Variants in SCML4 observed in about 807,000 individuals in gnomAD.
The protein encoded by SCML4 is Scm polycomb group protein like 4.
SCML4 carries 34 observed loss-of-function variants against 41.1 expected under a neutral mutation model. That is an observed-to-expected ratio of 0.83 (90% confidence interval 0.63 to 1.10). The LOEUF (loss-of-function observed/expected upper bound fraction) is 1.10, where lower values mean the gene tolerates loss of function less well. Ranked by LOEUF, SCML4 falls within the 50% of genes least tolerant of loss-of-function variation. The pLI is 0.00. For synonymous variants in SCML4, 214 were observed against 220.9 expected (o/e 0.97, Z 0.28); for missense variants, 522 against 534.1 (o/e 0.98, Z 0.22).
intron 2 of SCML4, among the ~76,000 whole-genome samples, chr6:107,769,763 T>C (rs905833514): frequency 6.6e-5 from 10 of 152,206 alleles, no homozygotes; most frequent in Non-Finnish European, 1.3e-4. Context: ...CTACAAAAGT[T>C]ATTATTCTCC....
intron 6 of SCML4, among the ~76,000 whole-genome samples, chr6:107,717,212 C>G (rs1774923551): frequency 7.5e-6 from 1 of 133,290 alleles, no homozygotes; most frequent in Admixed American, 8.0e-5. Context: ...CCCAGCTACT[C>G]AGGAGGCTGA....
chr6:107,813,464 G>A lies in SCML4; in HGVS notation c.-60+10662C>T, dbSNP rs867146184. On this transcript the variant is annotated intron_variant, in intron 1 of 7. Coordinates refer to ENST00000369020, the MANE Select transcript of SCML4 (RefSeq NM_198081.5). The stretch of plus-strand genomic sequence containing the variant: ...AATACATATTAAAATAACAGTGTCC[G>A]CTGAAAACACGCTTCAGATGGTGTG... 7.1e-5 allele frequency among the ~76,000 whole-genome samples: 10 copies of A among 140,260 alleles called. No individual in the cohort carries two copies. The South Asian group carries it at 9.2e-4, about 13-fold the overall frequency. The allele number at this position is 140,260 out of a possible 152,430, so 92.0% of individuals were successfully genotyped here.
chr6:107,792,723 T>C (rs1263186242), intron 1 of SCML4, among the ~76,000 whole-genome samples: 1 of 146,938 alleles, frequency 6.8e-6, no homozygotes, highest in Non-Finnish European at 1.5e-5. Flanking sequence ...AGGGAGAGAC[T>C]CTGTCTCAAA....
chr6:107,813,136 G>A (rs1784283540), intron 1 of SCML4, among the ~76,000 whole-genome samples: 1 of 151,608 alleles, frequency 6.6e-6, no homozygotes, highest in Admixed American at 6.6e-5. Context: ...GTGGAGGCAG[G>A]AGGATGGCTT....
chr6:107,740,826 C>A (rs921672959), intron 5 of SCML4, among the ~76,000 whole-genome samples: 2 of 152,180 alleles, frequency 1.3e-5, no homozygotes, highest in African/African-American at 2.4e-5. Context: ...CTTTAAACAT[C>A]GGCTAGAAGC....
the SCML4 span, among the ~76,000 whole-genome samples, chr6:107,831,369 T>A: frequency 1.1e-3 from 154 of 137,680 alleles, 1 homozygote; most frequent in African/African-American, 3.8e-3. Flanking sequence ...AGAACAAAAC[T>A]TGAATCTGAA....
Position 107,778,211 on chromosome 6 carries a change from AAAAAAAAAAAAATATATATATATATATAT to A in SCML4, c.-59-5854_-59-5826del, listed in dbSNP as rs1425927650. Among the ~76,000 whole-genome samples, 9 of 20,054 alleles carry A rather than the reference AAAAAAAAAAAAATATATATATATATATAT, an allele frequency of 4.5e-4. 2 individuals are homozygous for A. The highest frequency in any genetic ancestry group is 6.3e-4 in the African/African-American group (5 of 7,940). The allele number at this position is 20,054 out of a possible 152,430, so 13.2% of individuals were successfully genotyped here. ...GACTCTATCTCAAAAAAAAAAAAAA[AAAAAAAAAAAAATATATATATATATATAT>A]ATATATATATATATATATATATATA... is the stretch of plus-strand genomic sequence containing the variant. On this transcript the variant is annotated intron_variant, in intron 1 of 7. Transcript: ENST00000369020.
chr6:107,744,460 A>G (rs1777877481), intron 5 of SCML4, among the ~76,000 whole-genome samples: 1 of 152,230 alleles, frequency 6.6e-6, no homozygotes, highest in Non-Finnish European at 1.5e-5. Flanking sequence ...AATCCCTGCA[A>G]TAATAGACAC....
chr6:107,796,712 C>T (rs1326473972), intron 1 of SCML4, among the ~76,000 whole-genome samples: 1 of 152,124 alleles, frequency 6.6e-6, no homozygotes, highest in Non-Finnish European at 1.5e-5. Context: ...AGAAATGTTT[C>T]CCACCCCAAG....
chr6:107,728,322 T>A (rs915320414), intron 5 of SCML4, among the ~76,000 whole-genome samples: 1 of 152,120 alleles, frequency 6.6e-6, no homozygotes, highest in African/African-American at 2.4e-5. Context: ...TCAAAACTGT[T>A]GACAGCGGCC....
At chr6:107,777,196 C>T (rs1437541692) in intron 1 of SCML4, among the ~76,000 whole-genome samples, 2 of 152,216 alleles carry the variant, frequency 1.3e-5, no homozygotes, top group East Asian at 3.9e-4. Context: ...CGGCTCGCTG[C>T]AACCTCCGCT....
the SCML4 span, among the ~76,000 whole-genome samples, chr6:107,835,600 G>C: frequency 6.6e-6 from 1 of 151,498 alleles, no homozygotes; most frequent in Admixed American, 6.6e-5. Context: ...AATTATCTGG[G>C]CATGGTGGCA....
intron 5 of SCML4, among the ~76,000 whole-genome samples, chr6:107,724,257 A>G (rs1215563144): frequency 6.6e-6 from 1 of 152,178 alleles, no homozygotes; most frequent in Admixed American, 6.5e-5. Context: ...ACAAAAAGAG[A>G]CGGTCCATTC....
intron 6 of SCML4, chr6:107,718,528 C>A (rs1469956646): frequency 2.0e-5 from 3 of 152,304 alleles, no homozygotes; most frequent in Non-Finnish European, 4.4e-5. Flanking sequence ...GACAGGAGGA[C>A]ATCCTAGGGC....
intron 1 of SCML4, among the ~76,000 whole-genome samples, chr6:107,804,248 C>CGT (rs1554223036): frequency 1.3e-5 from 2 of 150,646 alleles, no homozygotes. Flanking sequence ...AAACATGAAA[C>CGT]GTGTGTGTGT....
chr6:107,799,955 G>A lies in SCML4; in HGVS notation c.-60+24171C>T, dbSNP rs550926729. On this transcript the variant is annotated intron_variant, in intron 1 of 7. Coordinates refer to ENST00000369020, the MANE Select transcript of SCML4 (RefSeq NM_198081.5). The stretch of plus-strand genomic sequence containing the variant: ...TGATTGCAATATCTAGGTCCACTGT[G>A]GATATGTTCCTTTTTTTTTTTTTCT... Among the ~76,000 whole-genome samples the A allele has an allele frequency of 1.4e-3, 212 of 150,274 alleles. 1 individual carries two copies. Among genetic ancestry groups the A allele is most frequent in the African/African-American group, 4.9e-3 (200 of 40,882 alleles).
intron 1 of SCML4, among the ~76,000 whole-genome samples, chr6:107,807,570 T>C (rs546819617): frequency 6.6e-6 from 1 of 152,370 alleles, no homozygotes; most frequent in African/African-American, 2.4e-5. Context: ...TCCCAGCAAA[T>C]GCTGAACACA....
At chr6:107,773,775 G>A (rs942118343) in intron 1 of SCML4, among the ~76,000 whole-genome samples, 1 of 152,056 alleles carries the variant, frequency 6.6e-6, no homozygotes, top group Non-Finnish European at 1.5e-5. Context: ...ATTCAGGGGT[G>A]ATAAAATTCA....
intron 1 of SCML4, among the ~76,000 whole-genome samples, chr6:107,814,243 A>G (rs1784405587): frequency 6.6e-6 from 1 of 152,266 alleles, no homozygotes; most frequent in Non-Finnish European, 1.5e-5. Context: ...ATGGGGTTTC[A>G]ACATCATGGA....
Sources: gnomAD v4.1 joint callset for allele counts (sites outside exome capture counted in the v4.1 genomes callset) on GRCh38, gnomAD v4.1.1 for gene constraint, MANE v1.5 for transcripts, NCBI Gene and HGNC (gene_info 2026-07-23, HGNC 2026-07-21) for gene names.